The following CAP2 variants were observed in gnomAD, a reference collection of about 807,000 sequenced individuals.
CAP2 encodes cyclase associated actin cytoskeleton regulatory protein 2, also known as adenylyl cyclase-associated protein 2.
Under a neutral mutation model 57.7 loss-of-function variants are expected in CAP2, and 24 were observed. The ratio of observed to expected loss-of-function variants is 0.42; its 90% confidence interval spans 0.30 to 0.58. The LOEUF is 0.58. CAP2 is among the 20% of genes least tolerant of loss of function. CAP2 has a pLI of 0.22. For synonymous variants in CAP2, 194 were observed against 207.2 expected (o/e 0.94, Z 0.55); for missense variants, 501 against 590.3 (o/e 0.85, Z 1.57).
intron 7 of CAP2, among the ~76,000 whole-genome samples, chr6:17,532,789 C>A (rs1385389005): frequency 6.9e-6 from 1 of 144,136 alleles, no homozygotes; most frequent in African/African-American, 2.6e-5. Context: ...GTTGGCCAGG[C>A]GTGGTGGCTC....
chr6:17,498,256 G>A (rs1036274724), intron 4 of CAP2, among the ~76,000 whole-genome samples: 6 of 152,158 alleles, frequency 3.9e-5, no homozygotes, highest in East Asian at 1.9e-4. Flanking sequence ...ACAAAAAAAC[G>A]TGTCTACTGT....
At chr6:17,507,764 T>C (rs1011275312) in intron 6 of CAP2, 38 bp downstream of exon 6, 1 of 1,132,434 alleles carries the variant, frequency 8.8e-7, no homozygotes, top group Non-Finnish European at 1.3e-6. Context: ...TTTCAGTTGA[T>C]TACTTGTTAG....
chr6:17,394,028 C>T (rs569634839), intron 1 of CAP2, among the ~76,000 whole-genome samples: 3 of 149,916 alleles, frequency 2.0e-5, no homozygotes, highest in Admixed American at 6.6e-5. Flanking sequence ...GGCGTCCTGG[C>T]CGCTCGGAAG....
Position 17,557,101 on chromosome 6 carries a change from T to C in CAP2, c.*659T>C, listed in dbSNP as rs1344140824. 1 of 152,188 alleles carries C rather than the reference T, an allele frequency of 6.6e-6. No individual in the cohort carries two copies. Among genetic ancestry groups the C allele is most frequent in the Non-Finnish European group, 1.5e-5 (1 of 68,022 alleles). The allele number at this position is 152,188 out of a possible 1,614,324, so 9.4% of individuals were successfully genotyped here. On this transcript the variant is annotated 3_prime_UTR_variant, in exon 13 of 13. Coordinates refer to ENST00000229922, the MANE Select transcript of CAP2 (RefSeq NM_006366.3). The stretch of plus-strand genomic sequence containing the variant: ...ATTCATCTTACATATTTTTCCACCA[T>C]GTCATTTGAAAACTTGCTTTTCTTC...
intron 3 of CAP2, among the ~76,000 whole-genome samples, chr6:17,442,482 C>T (rs1760112515): frequency 6.6e-6 from 1 of 152,098 alleles, no homozygotes; most frequent in South Asian, 2.1e-4. Flanking sequence ...ATCACATTAC[C>T]CTTGGGTACC....
chr6:17,426,815 G>A, intron 3 of CAP2, 125 bp downstream of exon 3: 1 of 677,282 alleles, frequency 1.5e-6, no homozygotes, highest in Non-Finnish European at 2.6e-6. Context: ...TAGGCAGATG[G>A]TGGCTAAAAC....
intron 3 of CAP2, among the ~76,000 whole-genome samples, chr6:17,457,178 C>G (rs1760592996): frequency 6.6e-6 from 1 of 152,224 alleles, no homozygotes; most frequent in African/African-American, 2.4e-5. Flanking sequence ...TCCCTTTCCT[C>G]TCTGCACACA....
intron 4 of CAP2, among the ~76,000 whole-genome samples, chr6:17,482,629 G>C (rs1761321078): frequency 6.6e-6 from 1 of 151,840 alleles, no homozygotes; most frequent in Non-Finnish European, 1.5e-5. Context: ...AGGGTTGCTG[G>C]TAATCTGGTG....
intron 3 of CAP2, among the ~76,000 whole-genome samples, chr6:17,461,002 A>C (rs1236309629): frequency 6.6e-6 from 1 of 152,130 alleles, no homozygotes. Flanking sequence ...TTCAAAAGTT[A>C]GCCGAGTGTG....
At chr6:17,467,766 G>A (rs190403148) in intron 4 of CAP2, among the ~76,000 whole-genome samples, 166 of 152,110 alleles carry the variant, frequency 1.1e-3, no homozygotes, top group Middle Eastern at 6.8e-3. Flanking sequence ...CTCGTGATCC[G>A]CCCGCCTCGG....
chr6:17,492,667 G>A (rs1244641612), intron 4 of CAP2, among the ~76,000 whole-genome samples: 1 of 152,198 alleles, frequency 6.6e-6, no homozygotes, highest in African/African-American at 2.4e-5. Flanking sequence ...GGATCAAACA[G>A]CATCAACCAA....
intron 3 of CAP2, among the ~76,000 whole-genome samples, chr6:17,454,573 CAG>C (rs1375349405): frequency 6.6e-6 from 1 of 152,204 alleles, no homozygotes; most frequent in Non-Finnish European, 1.5e-5. Flanking sequence ...CTGTGCTCAG[CAG>C]AGAGGCAAAG....
intron 6 of CAP2, among the ~76,000 whole-genome samples, chr6:17,510,550 C>T (rs1581582710): frequency 6.6e-6 from 1 of 152,162 alleles, no homozygotes; most frequent in Admixed American, 6.5e-5. Context: ...CTTTTTGCAT[C>T]AAGGCAATTG....
intron 3 of CAP2, among the ~76,000 whole-genome samples, chr6:17,431,301 C>G (rs192868396): frequency 1.3e-5 from 2 of 151,950 alleles, no homozygotes; most frequent in East Asian, 3.9e-4. Flanking sequence ...TGAACCTAAA[C>G]TAGAAGTTTA....
At chr6:17,405,185 C>G (rs74958748) in intron 1 of CAP2, among the ~76,000 whole-genome samples, 1 of 152,168 alleles carries the variant, frequency 6.6e-6, no homozygotes, top group African/African-American at 2.4e-5. Context: ...GATTCGAGAT[C>G]AGCCTGGCCA....
At chr6:17,501,965 T>G (rs1761833342) in intron 4 of CAP2, among the ~76,000 whole-genome samples, 1 of 152,200 alleles carries the variant, frequency 6.6e-6, no homozygotes, top group Admixed American at 6.5e-5. Context: ...AGGGAGCAGG[T>G]TCAGCTCATC....
chr6:17,478,195 C>T (rs116049452), intron 4 of CAP2, among the ~76,000 whole-genome samples: 3,498 of 151,022 alleles, frequency 0.023, 130 homozygotes, highest in African/African-American at 0.075. Flanking sequence ...AGTGCAGTAG[C>T]GTGATCTTAG....
In CAP2 at chr6:17,485,418, C is replaced by T. The variant is rs1761397073; in HGVS notation, c.301-21751C>T. ...GCCTGGGGCACCAGCCTCTGGTTACCGGTGCCACCCGGCTTTCCCCAGCTT... is the reference window on the plus strand; with the variant it reads ...GCCTGGGGCACCAGCCTCTGGTTACTGGTGCCACCCGGCTTTCCCCAGCTT... On this transcript the variant is annotated intron_variant, in intron 4 of 12. Coordinates refer to ENST00000229922, the MANE Select transcript of CAP2 (RefSeq NM_006366.3). 2.0e-5 allele frequency among the ~76,000 whole-genome samples: 3 copies of T among 152,170 alleles called. No individual in the cohort carries two copies. The South Asian group carries it at 6.2e-4, about 32-fold the overall frequency.
intron 3 of CAP2, among the ~76,000 whole-genome samples, chr6:17,447,283 A>G (rs577336084): frequency 6.6e-6 from 1 of 152,126 alleles, no homozygotes; most frequent in Non-Finnish European, 1.5e-5. Context: ...GCCTCCCAAA[A>G]TACTGGCATT....
Sources: gnomAD v4.1 joint callset for allele counts (sites outside exome capture counted in the v4.1 genomes callset) on GRCh38, gnomAD v4.1.1 for gene constraint, MANE v1.5 for transcripts, NCBI Gene and HGNC (gene_info 2026-07-23, HGNC 2026-07-21) for gene names.